Variants in SDK1 observed in about 807,000 individuals in gnomAD.
The protein encoded by SDK1 is sidekick cell adhesion molecule 1.
SDK1 carries 157 observed loss-of-function variants against 245.5 expected under a neutral mutation model. The observed-to-expected ratio is 0.64, with a 90% CI of 0.56 to 0.73. The LOEUF is 0.73. SDK1 is among the 30% of genes least tolerant of loss of function. SDK1 has a pLI of 0.00. For synonymous variants in SDK1, 1,647 were observed against 1,278.5 expected (o/e 1.29, Z -6.15); for missense variants, 3,583 against 3,002.3 (o/e 1.19, Z -4.52).
At chr7:3,986,899 C>T (rs918283269) in intron 13 of SDK1, among the ~76,000 whole-genome samples, 4 of 152,076 alleles carry the variant, frequency 2.6e-5, no homozygotes, top group Admixed American at 6.6e-5. Flanking sequence ...TAAACGTCTG[C>T]GTCCCCTCCC....
chr7:3,471,878 T>C (rs1205498648), intron 1 of SDK1, among the ~76,000 whole-genome samples: 1 of 152,232 alleles, frequency 6.6e-6, no homozygotes, highest in East Asian at 1.9e-4. Flanking sequence ...CTGAAACAAA[T>C]ATTGAAGTGT....
At chr7:3,575,588 G>A (rs1041365304) in intron 1 of SDK1, among the ~76,000 whole-genome samples, 1 of 151,974 alleles carries the variant, frequency 6.6e-6, no homozygotes, top group East Asian at 1.9e-4. Context: ...TGATTTTTCA[G>A]GATGAGGGAA....
intron 1 of SDK1, among the ~76,000 whole-genome samples, chr7:3,608,261 C>G (rs1583221623): frequency 2.0e-5 from 3 of 152,130 alleles, no homozygotes; most frequent in South Asian, 4.1e-4. Context: ...TACATATAAA[C>G]TCTTCTGCTG....
Position 3,617,124 on chromosome 7 carries a change from T to C in SDK1, c.299-1956T>C, listed in dbSNP as rs73298216. On this transcript the variant is annotated intron_variant, in intron 1 of 44. Coordinates refer to ENST00000404826, the MANE Select transcript of SDK1 (RefSeq NM_152744.4). ...ATGATGACATCTATGTTATAGGGCT[T>C]TTGTGAGAAATAGGTTAATATATAT... is the stretch of plus-strand genomic sequence containing the variant. 9.2e-3 allele frequency among the ~76,000 whole-genome samples: 1,394 copies of C among 152,324 alleles called. 31 individuals carry two copies. Among genetic ancestry groups the C allele is most frequent in the African/African-American group, 0.032 (1,312 of 41,560 alleles).
chr7:3,793,867 G>T (rs1778885291), intron 4 of SDK1, among the ~76,000 whole-genome samples: 1 of 152,130 alleles, frequency 6.6e-6, no homozygotes, highest in Non-Finnish European at 1.5e-5. Flanking sequence ...GATGTAGGTG[G>T]ATCTACCTAA....
At chr7:3,681,360 A>G (rs1462378815) in intron 4 of SDK1, among the ~76,000 whole-genome samples, 2 of 152,048 alleles carry the variant, frequency 1.3e-5, no homozygotes. Context: ...GAGTTCATTC[A>G]TTTTAATGTT....
chr7:3,483,367 A>C (rs1419087895), intron 1 of SDK1, among the ~76,000 whole-genome samples: 1 of 152,024 alleles, frequency 6.6e-6, no homozygotes, highest in Non-Finnish European at 1.5e-5. Context: ...TTCCTATTAA[A>C]TGCTTAAATT....
chr7:3,716,767 A>T (rs1428347477), intron 4 of SDK1, among the ~76,000 whole-genome samples: 1 of 151,298 alleles, frequency 6.6e-6, no homozygotes. Flanking sequence ...TCACCAAAAA[A>T]AAAGAAAAAA....
chr7:3,781,870 C>A (rs560070675), intron 4 of SDK1, among the ~76,000 whole-genome samples: 1 of 151,660 alleles, frequency 6.6e-6, no homozygotes, highest in Non-Finnish European at 1.5e-5. Flanking sequence ...TCCAGAAGAG[C>A]AAAAAGATAA....
At chr7:4,087,549 A>G (rs1487241971) in intron 22 of SDK1, among the ~76,000 whole-genome samples, 2 of 151,878 alleles carry the variant, frequency 1.3e-5, no homozygotes, top group Admixed American at 6.6e-5. Flanking sequence ...TGGACATCTG[A>G]TGGTGTTGAA....
chr7:3,395,099 T>G (rs1250338024), intron 1 of SDK1, among the ~76,000 whole-genome samples: 14 of 152,046 alleles, frequency 9.2e-5, no homozygotes, highest in Non-Finnish European at 2.9e-5. Flanking sequence ...GAATTTGGTC[T>G]TTCACCAATA....
At chr7:3,820,355 G>A (rs1405214551) in intron 4 of SDK1, among the ~76,000 whole-genome samples, 2 of 152,092 alleles carry the variant, frequency 1.3e-5, no homozygotes, top group Non-Finnish European at 2.9e-5. Context: ...TCACCATGTT[G>A]GCCAGGATGG....
chr7:3,778,873 G>A (rs1257589308), intron 4 of SDK1, among the ~76,000 whole-genome samples: 1 of 152,176 alleles, frequency 6.6e-6, no homozygotes, highest in Non-Finnish European at 1.5e-5. Flanking sequence ...ACACTACTCA[G>A]GTGGGAGACT....
chr7:4,248,014 A>G (rs915644052), intron 44 of SDK1, among the ~76,000 whole-genome samples: 1 of 152,158 alleles, frequency 6.6e-6, no homozygotes, highest in Non-Finnish European at 1.5e-5. Context: ...CATTTTCAAC[A>G]TGGGCTAATG....
intron 4 of SDK1, among the ~76,000 whole-genome samples, chr7:3,735,623 ACGTGG>A (rs1456392586): frequency 1.3e-5 from 2 of 152,204 alleles, no homozygotes; most frequent in Admixed American, 1.3e-4. Flanking sequence ...GCCGTTATGA[ACGTGG>A]GTGTACAAGT....
intron 1 of SDK1, among the ~76,000 whole-genome samples, chr7:3,540,926 C>T (rs1024681034): frequency 6.6e-6 from 1 of 152,164 alleles, no homozygotes; most frequent in Admixed American, 6.5e-5. Flanking sequence ...TTCGTCTTGT[C>T]TTTTGGGGGA....
At chr7:3,543,795 G>A (rs544439440) in intron 1 of SDK1, among the ~76,000 whole-genome samples, 1 of 152,260 alleles carries the variant, frequency 6.6e-6, no homozygotes, top group East Asian at 1.9e-4. Context: ...GGTGTATTCT[G>A]TACGAAAGGA....
intron 1 of SDK1, among the ~76,000 whole-genome samples, chr7:3,582,183 G>A (rs1211968337): frequency 6.7e-6 from 1 of 148,542 alleles, no homozygotes; most frequent in Non-Finnish European, 1.5e-5. Flanking sequence ...AGGTAGGCCT[G>A]TCTCAGGTAG....
intron 5 of SDK1, among the ~76,000 whole-genome samples, chr7:3,867,256 C>T (rs1242860405): frequency 1.3e-5 from 2 of 152,132 alleles, no homozygotes; most frequent in Admixed American, 1.3e-4. Flanking sequence ...GCCCCTAACA[C>T]AGGAGAGAGA....
Sources: allele counts gnomAD v4.1 joint callset (sites outside exome capture counted in the v4.1 genomes callset), GRCh38; gene constraint gnomAD v4.1.1; transcripts MANE v1.5; gene names NCBI Gene and HGNC (gene_info 2026-07-23, HGNC 2026-07-21).